CACNA1D: variants seen among roughly 807,000 people sequenced by gnomAD.
The protein encoded by CACNA1D is voltage-dependent L-type calcium channel subunit alpha-1D.
CACNA1D carries 55 observed loss-of-function variants against 257.1 expected under a neutral mutation model. The ratio of observed to expected loss-of-function variants is 0.21; its 90% CI spans 0.17 to 0.27. The LOEUF is 0.27. Ranked by LOEUF, CACNA1D falls within the 10% of genes least tolerant of loss-of-function variation. The pLI is 1.00. For synonymous variants in CACNA1D, 980 were observed against 1,014.9 expected (o/e 0.97, Z 0.65); for missense variants, 1,876 against 2,784.0 (o/e 0.67, Z 7.34).
chr3:53,741,421 T>C (rs369594824), intron 21 of CACNA1D, among the ~76,000 whole-genome samples: 1 of 152,344 alleles, frequency 6.6e-6, no homozygotes, highest in South Asian at 2.1e-4. Context: ...AAATGAAACC[T>C]CAATTAATAT....
In CACNA1D at chr3:53,512,347, G is replaced by A. The variant is rs190070590; in HGVS notation, c.483+10627G>A. 7.7e-3 allele frequency among the ~76,000 whole-genome samples: 1,170 copies of A among 152,276 alleles called. 24 individuals carry two copies. The highest frequency in any genetic ancestry group is 0.027 in the African/African-American group (1,111 of 41,526). On this transcript the variant is annotated intron_variant, in intron 3 of 47. Transcript: ENST00000350061. The stretch of plus-strand genomic sequence containing the variant: ...CCTAGACATCCATGGGTTGGTACTA[G>A]TGTGGTGGGGTAGAGAAAGCTTTGG...
rs192212991 is a variant in CACNA1D at position 53,681,755 on chromosome 3, G to A, written c.1220+8629G>A. 2.6e-4 allele frequency among the ~76,000 whole-genome samples: 39 copies of A among 152,358 alleles called. No homozygotes were observed. In the South Asian group the frequency reaches 3.3e-3, roughly 13 times the overall value. ...AATGCTTTGAAAGAAAGGTTCATGT[G>A]CTGTGAGAGGGTTTAACAGGCACAA... On this transcript the variant is annotated intron_variant, in intron 8 of 47. Coordinates refer to ENST00000350061, the MANE Select transcript of CACNA1D (RefSeq NM_001128840.3).
intron 30 of CACNA1D, among the ~76,000 whole-genome samples, chr3:53,762,947 T>A (rs1015055751): frequency 1.3e-5 from 2 of 152,260 alleles, no homozygotes; most frequent in Admixed American, 1.3e-4. Flanking sequence ...ACCAGTCGTG[T>A]GACCGTGGAA....
At chr3:53,499,372 A>C (rs1238090758) in intron 2 of CACNA1D, among the ~76,000 whole-genome samples, 1 of 152,014 alleles carries the variant, frequency 6.6e-6, no homozygotes, top group Non-Finnish European at 1.5e-5. Flanking sequence ...AGGCTATAGA[A>C]ATCCTTTCCA....
chr3:53,650,756 T>C (rs1015540260), intron 3 of CACNA1D, 23 bp from the exon 4 acceptor site: 1 of 1,613,258 alleles, frequency 6.2e-7, no homozygotes, highest in Middle Eastern at 1.7e-4. Context: ...TTTTTTGGTA[T>C]GTTTCTTTGT....
At chr3:53,520,878 CTTTCTTTCTTTCTTTCTTTTCTTTTCT>C (rs1158964995) in intron 3 of CACNA1D, among the ~76,000 whole-genome samples, 10 of 82,138 alleles carry the variant, frequency 1.2e-4, no homozygotes, top group South Asian at 8.4e-4. Context: ...TTCTTTCTTT[CTTTCTTTCTTTCTTTCTTTTCTTTTCT>C]TTTCTTTTCT....
intron 8 of CACNA1D, among the ~76,000 whole-genome samples, chr3:53,675,134 T>C (rs940115532): frequency 2.6e-5 from 4 of 152,186 alleles, no homozygotes; most frequent in Non-Finnish European, 4.4e-5. Flanking sequence ...GAAGTCCCTA[T>C]GTAGAGTTGG....
At chr3:53,571,343 A>G (rs2092939321) in intron 3 of CACNA1D, among the ~76,000 whole-genome samples, 2 of 152,146 alleles carry the variant, frequency 1.3e-5, no homozygotes, top group Non-Finnish European at 2.9e-5. Flanking sequence ...AACCTGACAA[A>G]CGATTCACAA....
rs546288573 is a variant in CACNA1D, at chr3:53,793,152, C to T, written c.4923+6200C>T. On this transcript the variant is annotated intron_variant, in intron 40 of 47. Transcript: ENST00000350061. This position sits in a 1 kb window ranked among gnomAD's most constrained non-coding sequence, Gnocchi z 4.1. Reference sequence around the variant, plus strand: ...CCTTCCCCACTGCCAGCAGCCCAGCCCCTCCTGAGACTGCTCTGTGACCCA... The same window carrying T: ...CCTTCCCCACTGCCAGCAGCCCAGCTCCTCCTGAGACTGCTCTGTGACCCA... Among the ~76,000 whole-genome samples, 23 of 152,342 alleles carry T rather than the reference C, an allele frequency of 1.5e-4. No homozygotes were observed. The South Asian group carries it at 4.1e-3, about 27-fold the overall frequency.
At position 53,800,895 on chromosome 3, in the gene CACNA1D, A is replaced by C; in HGVS notation, c.5041-163A>C. 1.4e-6 allele frequency: 1 copy of C among 710,244 alleles called. No individual in the cohort carries two copies. The highest frequency in any genetic ancestry group is 2.5e-6 in the Non-Finnish European group (1 of 406,190). The allele number at this position is 710,244 out of a possible 1,614,324, so 44.0% of individuals were successfully genotyped here. A position where few individuals can be genotyped will look rare whatever the true frequency, so the allele number is the denominator to read the frequency against. On this transcript the variant is annotated intron_variant, in intron 41 of 47. Coordinates refer to ENST00000350061, the MANE Select transcript of CACNA1D (RefSeq NM_001128840.3). This position sits in a 1 kb window ranked among gnomAD's most constrained non-coding sequence, Gnocchi z 4.3. ...TCATCTCGGGGGGACCAACTGCCAC[A>C]CAGTCACATTCACCCTGATCATTGA...
Position 53,800,357 on chromosome 3 carries a change from G to A in CACNA1D, c.5032G>A (p.Val1678Met), listed in dbSNP as rs773810643. Residue 1678 changes from valine (V) to methionine (M), a missense_variant, in exon 41 of 48, where the codon GTG becomes ATG. Physicochemically the swap from Val to Met is conservative, Grantham distance 21 (BLOSUM62 1). Coordinates refer to ENST00000350061, the MANE Select transcript of CACNA1D (RefSeq NM_001128840.3). The surrounding 1 kb of genome is among the most constrained non-coding windows in gnomAD (Gnocchi z 4.3). ...AACAAAACGAGAAGAAGAAGATGAT[G>A]TGTTCAAAGTAATTATTCCACGCCT... ...EETKREEEDD[V>M]FKRNGALLGN... The A allele has an allele frequency of 1.2e-6, 2 of 1,600,236 alleles. No homozygotes were observed. Among genetic ancestry groups the A allele is most frequent in the African/African-American group, 1.3e-5 (1 of 74,790 alleles).
In CACNA1D at chr3:53,801,277, A is replaced by C. The variant is rs1208619389; in HGVS notation, c.5260A>C (p.Thr1754Pro). The C allele has an allele frequency of 8.1e-6, 13 of 1,613,964 alleles. No individual in the cohort carries two copies. The highest frequency in any genetic ancestry group is 1.1e-5 in the Non-Finnish European group (13 of 1,180,008). ...NSIGKQVPTS[T>P]NANLNNANMS... is the part of the protein sequence containing the mutation. ...CATAGGAAAGCAAGTTCCCACCTCA[A>C]CAAATGCCAATCTCAATAATGCCAA... Residue 1754 changes from threonine (T) to proline (P), a missense_variant, in exon 42 of 48, where the codon ACA becomes CCA. Thr to Pro is a conservative substitution (Grantham distance 38, BLOSUM62 -1). This residue lies in a region of CACNA1D where 491 missense variants were observed against 554.3 expected (regional missense o/e 0.89). Coordinates refer to ENST00000350061, the MANE Select transcript of CACNA1D (RefSeq NM_001128840.3).
At chr3:53,678,880 A>G (rs2094401079) in intron 8 of CACNA1D, 2 of 152,174 alleles carry the variant, frequency 1.3e-5, no homozygotes, top group African/African-American at 4.8e-5. Context: ...ACACACCAAT[A>G]GATAGTAGTT....
chr3:53,726,971 C>T lies in CACNA1D; in HGVS notation c.2193C>T (p.Tyr731=). The T allele has an allele frequency of 6.2e-7, 1 of 1,614,124 alleles. No homozygotes were observed. Among genetic ancestry groups the T allele is most frequent in the Admixed American group, 1.7e-5 (1 of 60,028 alleles). ...PSSSGMIVCI[Y]FIILFICGNY... The stretch of plus-strand genomic sequence containing the variant: ...CTTCAGGAATGATCGTCTGCATCTA[C>T]TTCATCATCCTCTTCATTTGTGGTA... The change falls in exon 15 of 48, where the codon TAC becomes TAT. Residue 731 remains tyrosine (Y), a synonymous_variant. Transcript: ENST00000350061.
chr3:53,747,494 C>T (rs1440782935), intron 26 of CACNA1D, 46 bp downstream of exon 26: 11 of 1,599,394 alleles, frequency 6.9e-6, no homozygotes, highest in Admixed American at 1.7e-5. Context: ...ACCTGCGTGC[C>T]CAGGGCTGAG....
At chr3:53,604,901 C>T (rs957975873) in intron 3 of CACNA1D, among the ~76,000 whole-genome samples, 2 of 152,066 alleles carry the variant, frequency 1.3e-5, no homozygotes, top group African/African-American at 2.4e-5. Context: ...GCATGCTCAC[C>T]CCTGATGGTG....
intron 3 of CACNA1D, among the ~76,000 whole-genome samples, chr3:53,539,572 T>A (rs757999215): frequency 8.5e-5 from 13 of 152,258 alleles, no homozygotes; most frequent in Non-Finnish European, 1.9e-4. Context: ...AAAGAATTGC[T>A]GCTAACCTTG....
At chr3:53,716,960 G>T (rs138900504) in intron 9 of CACNA1D, among the ~76,000 whole-genome samples, 1,869 of 152,336 alleles carry the variant, frequency 0.012, 18 homozygotes, top group Middle Eastern at 0.037. Flanking sequence ...AGCCCCCTAC[G>T]CGAGCTGCCT....
chr3:53,603,064 C>T (rs749663090), intron 3 of CACNA1D, among the ~76,000 whole-genome samples: 2 of 152,166 alleles, frequency 1.3e-5, no homozygotes, highest in African/African-American at 2.4e-5. Context: ...TCCCTAGAGC[C>T]GTGAAGGCCA....
Sources: gnomAD v4.1 joint callset for allele counts (sites outside exome capture counted in the v4.1 genomes callset) on GRCh38, gnomAD v4.1.1 for gene constraint, gnomAD v4.1.1 regional missense constraint, Gnocchi (gnomAD v3.1) non-coding constraint, MANE v1.5 for transcripts, NCBI Gene and HGNC (gene_info 2026-07-23, HGNC 2026-07-21) for gene names.